DRC2: variants seen among roughly 807,000 people sequenced by gnomAD.
DRC2 encodes dynein regulatory complex subunit 2.
the DRC2 span, among the ~76,000 whole-genome samples, chr12:48,920,441 T>TTTAAAAAAAAAAAAAA: frequency 2.4e-4 from 16 of 67,812 alleles, 1 homozygote; most frequent in Non-Finnish European, 2.8e-4. Context: ...AACTCCATCT[T>TTTAAAAAAAAAAAAAA]AAAAAAAAAA....
the DRC2 span, chr12:48,917,040 A>G: frequency 6.2e-7 from 1 of 1,614,160 alleles, no homozygotes; most frequent in East Asian, 2.2e-5. Context: ...CATGGAGCAG[A>G]ACTATATAGA....
At chr12:48,918,512 C>T in the DRC2 span, 2 of 1,590,254 alleles carry the variant, frequency 1.3e-6, no homozygotes, top group Non-Finnish European at 1.7e-6. Flanking sequence ...GCTTTAACTG[C>T]TCTATTATCC....
At chr12:48,917,299 C>G in the DRC2 span, among the ~76,000 whole-genome samples, 28 of 134,384 alleles carry the variant, frequency 2.1e-4, no homozygotes, top group South Asian at 7.3e-3. Context: ...ACCGGCCCCC[C>G]CAAAAAAGAA....
chr12:48,913,380 T>A, the DRC2 span, among the ~76,000 whole-genome samples: 5 of 151,908 alleles, frequency 3.3e-5, no homozygotes, highest in South Asian at 1.0e-3. Flanking sequence ...CTCAGCTCAA[T>A]GCAAACTTGG....
chr12:48,909,113 G>A, the DRC2 span, among the ~76,000 whole-genome samples: 1 of 135,914 alleles, frequency 7.4e-6, no homozygotes, highest in Non-Finnish European at 1.5e-5. Flanking sequence ...GCGCAATCTC[G>A]GCTCACCGCA....
chr12:48,916,205 G>C, the DRC2 span, among the ~76,000 whole-genome samples: 2 of 151,786 alleles, frequency 1.3e-5, no homozygotes, highest in African/African-American at 4.8e-5. Context: ...GGTGGCGGCC[G>C]GGCAGAGGCT....
the DRC2 span, among the ~76,000 whole-genome samples, chr12:48,905,696 T>C: frequency 6.6e-6 from 1 of 152,168 alleles, no homozygotes; most frequent in Non-Finnish European, 1.5e-5. Context: ...TCTAAGGGAT[T>C]TTCTGTACCC....
the DRC2 span, among the ~76,000 whole-genome samples, chr12:48,913,133 CAAAAAAAA>C: frequency 1.4e-5 from 1 of 69,814 alleles, no homozygotes; most frequent in East Asian, 4.6e-4. Context: ...GACTCCGTCT[CAAAAAAAA>C]AAAAAAAAAA....
the DRC2 span, chr12:48,918,472 G>T: frequency 6.2e-7 from 1 of 1,613,276 alleles, no homozygotes; most frequent in Non-Finnish European, 8.5e-7. Flanking sequence ...AGAAACTACA[G>T]GTTAGTGTAG....
chr12:48,917,020 T>C, the DRC2 span: 10 of 1,613,984 alleles, frequency 6.2e-6, no homozygotes, highest in Non-Finnish European at 7.6e-6. Flanking sequence ...CTGCAAGATA[T>C]CTTCATGGCC....
chr12:48,910,649 T>C, the DRC2 span, among the ~76,000 whole-genome samples: 7 of 152,232 alleles, frequency 4.6e-5, no homozygotes, highest in African/African-American at 7.2e-5. Flanking sequence ...AGGTACCCAG[T>C]GTTCCTTCCA....
the DRC2 span, chr12:48,917,198 C>A: frequency 6.7e-7 from 1 of 1,487,412 alleles, no homozygotes; most frequent in Admixed American, 1.8e-5. Context: ...CACCTGTAAT[C>A]CCAGCACCTT....
the DRC2 span, among the ~76,000 whole-genome samples, chr12:48,912,540 G>A: frequency 3.3e-5 from 5 of 151,462 alleles, no homozygotes; most frequent in Non-Finnish European, 5.9e-5. Flanking sequence ...TCTAAGGGGC[G>A]GGAAGCAGAA....
At chr12:48,918,790 C>T in the DRC2 span, 12 of 1,614,074 alleles carry the variant, frequency 7.4e-6, no homozygotes, top group South Asian at 8.8e-5. Context: ...TGTACAACTG[C>T]GAAAACTTAA....
the DRC2 span, among the ~76,000 whole-genome samples, chr12:48,911,746 T>A: frequency 2.6e-4 from 40 of 152,234 alleles, 1 homozygote; most frequent in Admixed American, 2.5e-3. Flanking sequence ...ATTACAGGTG[T>A]GAGCCACTGT....
the DRC2 span, among the ~76,000 whole-genome samples, chr12:48,912,133 G>A: frequency 6.6e-6 from 1 of 152,084 alleles, no homozygotes; most frequent in Non-Finnish European, 1.5e-5. Flanking sequence ...GGTGGTGTGT[G>A]CCTGTAATCC....
chr12:48,904,244 A>T, the DRC2 span: 3 of 1,502,834 alleles, frequency 2.0e-6, no homozygotes, highest in Admixed American at 6.7e-5. Context: ...GCACTTCTGG[A>T]AGTCCCCTTT....
chr12:48,906,302 ATTT>A, the DRC2 span, among the ~76,000 whole-genome samples: 9 of 134,870 alleles, frequency 6.7e-5, no homozygotes, highest in South Asian at 2.4e-4. Flanking sequence ...CACCTTATGG[ATTT>A]TTTTTTTTTT....
chr12:48,912,772 G>A, the DRC2 span, among the ~76,000 whole-genome samples: 1 of 152,180 alleles, frequency 6.6e-6, no homozygotes. Context: ...GGCACTTCAT[G>A]TTGGTTCCTG....
Sources: allele counts gnomAD v4.1 joint callset (sites outside exome capture counted in the v4.1 genomes callset), GRCh38; gene constraint gnomAD v4.1.1; transcripts MANE v1.5; gene names NCBI Gene and HGNC (gene_info 2026-07-23, HGNC 2026-07-21).